The following ACAN variants were observed in gnomAD, a reference collection of about 807,000 sequenced individuals.
The protein encoded by ACAN is aggrecan core protein.
Under a neutral mutation model 169.1 loss-of-function variants are expected in ACAN, and 47 were observed. That is an observed-to-expected ratio of 0.28 (90% CI 0.22 to 0.35). ACAN has a LOEUF of 0.35. ACAN is among the 10% of genes least tolerant of loss of function. ACAN has a pLI of 1.00. For synonymous variants in ACAN, 1,115 were observed against 1,112.2 expected (o/e 1.00, Z -0.05); for missense variants, 2,716 against 2,759.9 (o/e 0.98, Z 0.36).
rs765661305 is a variant in ACAN at position 88,849,810 on chromosome 15, C to T, written c.2026+79C>T. On this transcript the variant is annotated intron_variant, in intron 10 of 18. Transcript: ENST00000560601. This position sits in a 1 kb window ranked among gnomAD's most constrained non-coding sequence, Gnocchi z 5.1. Reference sequence around the variant, plus strand: ...CTGGGTTCACCGGATCCTGCCACCACCCAGTATCCCATCCATCAGAGCAAG... The same window carrying T: ...CTGGGTTCACCGGATCCTGCCACCATCCAGTATCCCATCCATCAGAGCAAG... 16 of 1,525,922 alleles carry T rather than the reference C, an allele frequency of 1.0e-5. No individual in the cohort carries two copies. Among genetic ancestry groups the T allele is most frequent in the Non-Finnish European group, 1.4e-5 (16 of 1,121,234 alleles). The allele number at this position is 1,525,922 out of a possible 1,614,324, so 94.5% of individuals were successfully genotyped here. A position where few individuals can be genotyped will look rare whatever the true frequency, so the allele number is the denominator to read the frequency against.
At chr15:88,854,124 TTGTC>T (rs1327846422) in intron 11 of ACAN, among the ~76,000 whole-genome samples, 1 of 152,244 alleles carries the variant, frequency 6.6e-6, no homozygotes, top group African/African-American at 2.4e-5. Context: ...GTTTTTCAAA[TTGTC>T]TGTAACAGAG....
At chr15:88,860,575 A>G in intron 13 of ACAN, 136 bp downstream of exon 13, 1 of 659,014 alleles carries the variant, frequency 1.5e-6, no homozygotes, top group Non-Finnish European at 2.7e-6. Context: ...GCATGATGAC[A>G]TGTCAGGGGC....
At position 88,840,013 on chromosome 15, in the gene ACAN, C is replaced by T. The variant is rs193277896; in HGVS notation, c.456C>T (p.Gly152=). The stretch of plus-strand genomic sequence containing the variant: ...TGTGGGCGTGTATGTGTCTTGCAGG[C>T]ATCGTGTTCCATTACAGAGCCATCT... ...SEATLEVVVK[G]IVFHYRAIST... Residue 152 remains glycine, a splice_region_variant and synonymous_variant, in exon 4 of 19, where the codon GGC becomes GGT. Transcript: ENST00000560601. The T allele has an allele frequency of 2.2e-4, 349 of 1,597,640 alleles. No individual in the cohort carries two copies. The highest frequency in any genetic ancestry group is 2.9e-4 in the Non-Finnish European group (337 of 1,171,588).
At chr15:88,808,697 GC>G (rs1303707322) in intron 1 of ACAN, among the ~76,000 whole-genome samples, 1 of 152,186 alleles carries the variant, frequency 6.6e-6, no homozygotes, top group African/African-American at 2.4e-5. Context: ...GTACAGCACA[GC>G]CCCCGCCCAC....
At position 88,855,472 on chromosome 15, in the gene ACAN, C is replaced by G. The variant is rs1241223088; in HGVS notation, c.2887C>G (p.Leu963Val). ...CAGTGGACTTCCTTCTGGAGAAGTTCTAGAGACCTCTGCCTCTGGAGTAGG... is the reference window on the plus strand; with the variant it reads ...CAGTGGACTTCCTTCTGGAGAAGTTGTAGAGACCTCTGCCTCTGGAGTAGG... The part of the protein sequence containing the change: ...DLSGLPSGEV[L>V]ETSASGVGDL... The change falls in exon 12 of 19, where the codon CTA becomes GTA. Residue 963 changes from leucine to valine, a missense_variant. This residue lies in a region of ACAN where 1,283 missense variants were observed against 1,281.5 expected (regional missense o/e 1.00). Transcript: ENST00000560601. 1 of 1,613,606 alleles carries G rather than the reference C, an allele frequency of 6.2e-7. No individual in the cohort carries two copies. The highest frequency in any genetic ancestry group is 1.1e-5 in the South Asian group (1 of 91,026).
At position 88,857,182 on chromosome 15, in the gene ACAN, G is replaced by A. The variant is rs1450591776; in HGVS notation, c.4597G>A (p.Glu1533Lys). The change falls in exon 12 of 19, where the codon GAA (glutamate) becomes AAA (lysine). Residue 1533 changes from glutamate (E) to lysine (K), a missense_variant. Coordinates refer to ENST00000560601, the MANE Select transcript of ACAN (RefSeq NM_001369268.1). ...EDLSRLPSGE[E>K]VLEISASGFG... ...CCTCAGCAGGCTCCCTTCTGGAGAAGAAGTTCTAGAGATTTCTGCCTCTGG... is the reference window on the plus strand; with the variant it reads ...CCTCAGCAGGCTCCCTTCTGGAGAAAAAGTTCTAGAGATTTCTGCCTCTGG... The A allele has an allele frequency of 6.2e-7, 1 of 1,613,734 alleles. No individual in the cohort carries two copies. The highest frequency in any genetic ancestry group is 8.5e-7 in the Non-Finnish European group (1 of 1,179,838).
In ACAN at chr15:88,865,386, C is replaced by T. The variant is rs1897263524; in HGVS notation, c.6947-2830C>T. 3.3e-5 allele frequency among the ~76,000 whole-genome samples: 5 copies of T among 152,350 alleles called. No individual in the cohort carries two copies. The Middle Eastern group carries it at 0.014, about 415-fold the overall frequency. On this transcript the variant is annotated intron_variant, in intron 13 of 18. Transcript: ENST00000560601. ...TCTCTTCCACTCTGTCTCCCCAACA[C>T]CCAGGTTGGGCAAGTCACCTCACTT...
At position 88,847,265 on chromosome 15, in the gene ACAN, G is replaced by A. The variant is rs946241882; in HGVS notation, c.1452G>A (p.Pro484=). 16 of 1,560,586 alleles carry A rather than the reference G, an allele frequency of 1.0e-5. No homozygotes were observed. Among genetic ancestry groups the A allele is most frequent in the Middle Eastern group, 2.0e-4 (1 of 4,954 alleles). ...LPGGVVFHYR[P]GPTRYSLTFE... The stretch of plus-strand genomic sequence containing the variant: ...CAGGGGTCGTCTTCCACTACCGCCC[G>A]GGACCCACCCGCTACTCGCTGACCT... The change falls in exon 8 of 19, where the codon CCG becomes CCA. Residue 484 remains proline, a synonymous_variant. Coordinates refer to ENST00000560601, the MANE Select transcript of ACAN (RefSeq NM_001369268.1).
intron 1 of ACAN, among the ~76,000 whole-genome samples, chr15:88,832,002 T>C (rs1403656512): frequency 6.6e-6 from 1 of 152,136 alleles, no homozygotes; most frequent in Non-Finnish European, 1.5e-5. Flanking sequence ...ATGTAAATTA[T>C]AATGTGGCTG....
chr15:88,857,330 G>A lies in ACAN; in HGVS notation c.4745G>A (p.Gly1582Glu), dbSNP rs763243954. Residue 1582 changes from glycine to glutamate, a missense_variant, in exon 12 of 19, where the codon GGA (glycine) becomes GAA (glutamate). Gly to Glu is a moderately conservative substitution (Grantham distance 98, BLOSUM62 -2). Transcript: ENST00000560601. ...GAGGGTCTAGAGACTTCAGCTTCTG[G>A]AGCTGAGGACCTCAGTGGGTTGCCT... The part of the protein sequence containing the change: ...GREGLETSAS[G>E]AEDLSGLPSG... The A allele has an allele frequency of 4.2e-5, 67 of 1,613,854 alleles. No individual in the cohort carries two copies. In the Admixed American group the frequency reaches 6.5e-4, roughly 16 times the overall value.
chr15:88,854,471 T>C (rs1321755126), intron 11 of ACAN, among the ~76,000 whole-genome samples: 1 of 152,198 alleles, frequency 6.6e-6, no homozygotes, highest in Non-Finnish European at 1.5e-5. Flanking sequence ...CAGGATGACC[T>C]TGGTGGTCTT....
At position 88,814,212 on chromosome 15, in the gene ACAN, G is replaced by A. The variant is rs111450197; in HGVS notation, c.-8+10403G>A. Among the ~76,000 whole-genome samples, 2,436 of 152,260 alleles carry A rather than the reference G, an allele frequency of 0.016. 65 individuals carry two copies. Among genetic ancestry groups the A allele is most frequent in the African/African-American group, 0.055 (2,302 of 41,512 alleles). ...GAATTGGGTATAATGACTCCTTCCC[G>A]ATAGATTTGTTGGGAGGGTAAAATG... On this transcript the variant is annotated intron_variant, in intron 1 of 18. Transcript: ENST00000560601. This position sits in a 1 kb window ranked among gnomAD's most constrained non-coding sequence, Gnocchi z 4.0.
chr15:88,849,520 G>A lies in ACAN; in HGVS notation c.1815G>A (p.Leu605=). Residue 605 remains leucine, a synonymous_variant, in exon 10 of 19, where the codon CTG becomes CTA. Coordinates refer to ENST00000560601, the MANE Select transcript of ACAN (RefSeq NM_001369268.1). This position sits in a 1 kb window ranked among gnomAD's most constrained non-coding sequence, Gnocchi z 5.1. ...TCTGTGAATCTCACAATGCTACGCT[G>A]GCCACCACGGGCCAGCTCTACGCCG... The part of the protein sequence containing the change: ...LEFCESHNAT[L]ATTGQLYAAW... 1 of 1,605,380 alleles carries A rather than the reference G, an allele frequency of 6.2e-7. No homozygotes were observed.
rs28584580 is a variant in ACAN, at chr15:88,854,596, A to G, written c.2267-256A>G. The stretch of plus-strand genomic sequence containing the variant: ...CTGTGGGCACCTGGGGGAGCTTCCC[A>G]GTTCCCTACCTCCCTCCTTCCTTTC... On this transcript the variant is annotated intron_variant, in intron 11 of 18. Coordinates refer to ENST00000560601, the MANE Select transcript of ACAN (RefSeq NM_001369268.1). Among the ~76,000 whole-genome samples, 15,567 of 152,110 alleles carry G rather than the reference A, an allele frequency of 0.1. 1,801 individuals are homozygous for G. Among genetic ancestry groups the G allele is most frequent in the African/African-American group, 0.29 (11,964 of 41,454 alleles).
rs752177184 is a variant in ACAN, at chr15:88,873,881, C to G, written c.7487C>G (p.Thr2496Ser). 1 of 1,613,826 alleles carries G rather than the reference C, an allele frequency of 6.2e-7. No individual in the cohort carries two copies. The highest frequency in any genetic ancestry group is 1.1e-5 in the South Asian group (1 of 91,082). The change falls in exon 18 of 19, where the codon ACC becomes AGC. Residue 2496 changes from threonine (T) to serine (S), a missense_variant. Around this residue, in one of 3 missense-constraint regions of ACAN, gnomAD observed 1,389 missense variants for 1,363.7 expected, o/e 1.02. Transcript: ENST00000560601. This position sits in a 1 kb window ranked among gnomAD's most constrained non-coding sequence, Gnocchi z 7.5. ...GEPPVVEHARTFGQKKDRYEI... is the reference protein window; with the variant it reads ...GEPPVVEHARSFGQKKDRYEI... ...CCCCCTGTGGTGGAGCATGCCAGGA[C>G]CTTCGGGCAGAAGAAGGACCGGTAT...
At chr15:88,809,791 G>A (rs911257826) in intron 1 of ACAN, among the ~76,000 whole-genome samples, 1 of 152,226 alleles carries the variant, frequency 6.6e-6, no homozygotes, top group Non-Finnish European at 1.5e-5. Flanking sequence ...GGGAGGTAGA[G>A]GGGTGGGGGT....
rs1041334110 is a variant in ACAN, at chr15:88,842,766, C to A, written c.758-589C>A. Among the ~76,000 whole-genome samples, 3 of 152,196 alleles carry A rather than the reference C, an allele frequency of 2.0e-5. No homozygotes were observed. The South Asian group carries it at 6.2e-4, about 32-fold the overall frequency. ...CACTGAGCAGGGGTAGCCAGAACCA[C>A]CCCTGTGAGTGGATGCCGTCCGCCC... On this transcript the variant is annotated intron_variant, in intron 5 of 18. Transcript: ENST00000560601.
rs1897286644 is a variant in ACAN at position 88,866,758 on chromosome 15, C to T, written c.6947-1458C>T. Among the ~76,000 whole-genome samples, 1 of 152,168 alleles carries T rather than the reference C, an allele frequency of 6.6e-6. No homozygotes were observed. Among genetic ancestry groups the T allele is most frequent in the South Asian group, 2.1e-4 (1 of 4,820 alleles). On this transcript the variant is annotated intron_variant, in intron 13 of 18. Coordinates refer to ENST00000560601, the MANE Select transcript of ACAN (RefSeq NM_001369268.1). The surrounding 1 kb of genome is among the most constrained non-coding windows in gnomAD (Gnocchi z 5.6). ...CAGCGTAAGGACTCAGAGGAAACCG[C>T]CTTTACCATCTCATCAGAAGGTTGA...
intron 8 of ACAN, 59 bp from the exon 9 acceptor site, chr15:88,847,852 C>G: frequency 1.9e-6 from 3 of 1,588,790 alleles, no homozygotes; most frequent in Non-Finnish European, 2.6e-6. Context: ...AGCCCAGGGC[C>G]GTGCATCTAC....
Sources: allele counts gnomAD v4.1 joint callset (sites outside exome capture counted in the v4.1 genomes callset), GRCh38; gene constraint gnomAD v4.1.1; regional missense constraint gnomAD v4.1.1; non-coding constraint Gnocchi (gnomAD v3.1); transcripts MANE v1.5; gene names NCBI Gene and HGNC (gene_info 2026-07-23, HGNC 2026-07-21).